TMEM132C: variants seen among roughly 807,000 people sequenced by gnomAD.
TMEM132C encodes protein phosphatase 1, regulatory subunit 152.
A neutral mutation model predicts 61.4 loss-of-function variants in TMEM132C; 29 were observed. The observed-to-expected ratio is 0.47, with a 90% CI of 0.35 to 0.64. The LOEUF is 0.64. Ranked by LOEUF, TMEM132C falls within the 30% of genes least tolerant of loss-of-function variation. The pLI is 0.00. For missense variants in TMEM132C, 1,408 were observed against 1,476.9 expected (o/e 0.95, Z 0.76); for synonymous variants, 656 against 633.1 (o/e 1.04, Z -0.54).
Position 128,416,691 on chromosome 12 carries a change from T to C in TMEM132C, c.974+1071T>C, listed in dbSNP as rs34716351. On this transcript the variant is annotated intron_variant, in intron 2 of 8. Coordinates refer to ENST00000435159, the MANE Select transcript of TMEM132C (RefSeq NM_001136103.3). ...TTTTGTTTTTTCATTTACAAAAAGG[T>C]TCAGAGGTTTCCATTAGTTTCTCAT... 7.7e-3 allele frequency among the ~76,000 whole-genome samples: 1,169 copies of C among 152,296 alleles called. 19 individuals are homozygous for C. Among genetic ancestry groups the C allele is most frequent in the African/African-American group, 0.027 (1,119 of 41,564 alleles).
At chr12:128,514,531 T>TG (rs1307102743) in intron 2 of TMEM132C, among the ~76,000 whole-genome samples, 15 of 149,382 alleles carry the variant, frequency 1.0e-4, no homozygotes, top group Admixed American at 2.0e-4. Flanking sequence ...GCAGGCGGGG[T>TG]GCGGGGGCGA....
At chr12:128,575,423 G>A (rs544717058) in intron 3 of TMEM132C, among the ~76,000 whole-genome samples, 9 of 152,240 alleles carry the variant, frequency 5.9e-5, no homozygotes, top group African/African-American at 2.2e-4. Context: ...AGGTTGCAGT[G>A]GGCCAAGATG....
chr12:128,283,755 TC>T (rs1222429441), intron 1 of TMEM132C, among the ~76,000 whole-genome samples: 1 of 152,108 alleles, frequency 6.6e-6, no homozygotes, highest in African/African-American at 2.4e-5. Context: ...TGTTTGTAGT[TC>T]CCTTTTCCTA....
intron 4 of TMEM132C, among the ~76,000 whole-genome samples, chr12:128,617,923 A>G (rs1166460309): frequency 6.6e-6 from 1 of 152,218 alleles, no homozygotes; most frequent in East Asian, 1.9e-4. Flanking sequence ...TCAACAAACA[A>G]CAAGCCATGG....
chr12:128,337,548 AC>A (rs1486988834), intron 1 of TMEM132C, among the ~76,000 whole-genome samples: 1 of 152,222 alleles, frequency 6.6e-6, no homozygotes, highest in Non-Finnish European at 1.5e-5. Flanking sequence ...GGGTAGAACA[AC>A]AAATCTGAGA....
intron 5 of TMEM132C, among the ~76,000 whole-genome samples, chr12:128,686,986 C>T (rs1954681865): frequency 6.6e-6 from 1 of 151,826 alleles, no homozygotes; most frequent in African/African-American, 2.4e-5. Flanking sequence ...TACTTGAGGC[C>T]AAGGGTTTGA....
intron 1 of TMEM132C, among the ~76,000 whole-genome samples, chr12:128,341,537 G>A (rs556874922): frequency 4.5e-4 from 69 of 152,200 alleles, no homozygotes; most frequent in African/African-American, 1.1e-3. Flanking sequence ...GTAGTTTATC[G>A]GAAAAAAATA....
chr12:128,360,234 TGATA>T (rs1873655025), intron 1 of TMEM132C, among the ~76,000 whole-genome samples: 1 of 127,744 alleles, frequency 7.8e-6, no homozygotes, highest in Admixed American at 8.9e-5. Flanking sequence ...AATGTTAGAT[TGATA>T]AAGGACGACA....
intron 2 of TMEM132C, among the ~76,000 whole-genome samples, chr12:128,503,248 G>A (rs978476417): frequency 1.3e-5 from 2 of 152,192 alleles, no homozygotes; most frequent in Admixed American, 6.5e-5. Flanking sequence ...TGGGGCTTTC[G>A]GAGTTCATCT....
intron 8 of TMEM132C, among the ~76,000 whole-genome samples, chr12:128,704,887 C>T (rs1173465036): frequency 6.6e-6 from 1 of 152,188 alleles, no homozygotes; most frequent in African/African-American, 2.4e-5. Flanking sequence ...CACTGTTAGT[C>T]ACATCCCCAT....
At chr12:128,324,995 G>A (rs923362858) in intron 1 of TMEM132C, among the ~76,000 whole-genome samples, 3 of 152,044 alleles carry the variant, frequency 2.0e-5, no homozygotes, top group African/African-American at 7.3e-5. Context: ...TATAAGTCAT[G>A]GAAAACATTT....
At chr12:128,510,474 G>A (rs763053802) in intron 2 of TMEM132C, among the ~76,000 whole-genome samples, 5 of 152,208 alleles carry the variant, frequency 3.3e-5, no homozygotes, top group Middle Eastern at 3.4e-3. Context: ...ATCTCTTTCC[G>A]GGCTAAGGCC....
At chr12:128,332,998 AAAGT>A (rs1302924959) in intron 1 of TMEM132C, among the ~76,000 whole-genome samples, 1 of 152,210 alleles carries the variant, frequency 6.6e-6, no homozygotes, top group Non-Finnish European at 1.5e-5. Context: ...CATGTTTTGA[AAAGT>A]AAGGTTTAGA....
intron 4 of TMEM132C, among the ~76,000 whole-genome samples, chr12:128,660,925 A>G (rs1198291298): frequency 6.6e-6 from 1 of 152,228 alleles, no homozygotes; most frequent in Admixed American, 6.5e-5. Context: ...AGGTAGATAG[A>G]CAGATAGACA....
intron 1 of TMEM132C, among the ~76,000 whole-genome samples, chr12:128,339,150 C>T (rs1208493378): frequency 6.6e-6 from 1 of 152,092 alleles, no homozygotes; most frequent in South Asian, 2.1e-4. Context: ...GGGGTTCCCT[C>T]CTTCAAAGCA....
At chr12:128,353,252 G>C (rs929731764) in intron 1 of TMEM132C, among the ~76,000 whole-genome samples, 5 of 152,204 alleles carry the variant, frequency 3.3e-5, no homozygotes, top group Admixed American at 6.5e-5. Flanking sequence ...CTGGCAGCAT[G>C]AGTGAAAAGG....
At chr12:128,309,183 A>G (rs934656214) in intron 1 of TMEM132C, among the ~76,000 whole-genome samples, 1 of 152,208 alleles carries the variant, frequency 6.6e-6, no homozygotes, top group Non-Finnish European at 1.5e-5. Flanking sequence ...CAGCTTCAGA[A>G]TGAAGCCGTA....
intron 1 of TMEM132C, among the ~76,000 whole-genome samples, chr12:128,289,613 C>T (rs1009260713): frequency 6.6e-6 from 1 of 152,190 alleles, no homozygotes; most frequent in Non-Finnish European, 1.5e-5. Flanking sequence ...GTGTATTTAA[C>T]GTCCCCATCT....
chr12:128,514,325 C>T (rs1025410998), intron 2 of TMEM132C, among the ~76,000 whole-genome samples: 3 of 152,308 alleles, frequency 2.0e-5, no homozygotes, highest in African/African-American at 7.2e-5. Context: ...AGCACCTTCC[C>T]GATACGGTCT....
Sources: allele counts gnomAD v4.1 joint callset (sites outside exome capture counted in the v4.1 genomes callset), GRCh38; gene constraint gnomAD v4.1.1; transcripts MANE v1.5; gene names NCBI Gene and HGNC (gene_info 2026-07-23, HGNC 2026-07-21).